The following SHOC1 variants were observed in gnomAD, a reference collection of about 807,000 sequenced individuals.
The protein encoded by SHOC1 is shortage in chiasmata 1.
SHOC1 carries 136 observed loss-of-function variants against 179.2 expected under a neutral mutation model. The ratio of observed to expected loss-of-function variants is 0.76; its 90% CI spans 0.66 to 0.87. The LOEUF is 0.87. Among genes scored for constraint, SHOC1 ranks in the 40% least tolerant of loss-of-function variants. The pLI is 0.00. For synonymous variants in SHOC1, 489 were observed against 586.6 expected, an observed-to-expected ratio of 0.83 and a Z score of 2.41; for missense variants, 1,538 against 1,700.8, an observed-to-expected ratio of 0.90 and a Z score of 1.68.
chr9:111,690,618 A>C (rs1440894895), intron 27 of SHOC1, among the ~76,000 whole-genome samples: 1 of 152,214 alleles, frequency 6.6e-6, no homozygotes, highest in Non-Finnish European at 1.5e-5. Context: ...GATTTTTCCC[A>C]ATATGTACTA....
At chr9:111,702,377 G>T in intron 22 of SHOC1, 151 bp from the exon 23 acceptor site, 1 of 575,028 alleles carries the variant, frequency 1.7e-6, no homozygotes, top group South Asian at 2.2e-5. Context: ...TTAAAATCAT[G>T]CAGGAAGTAG....
At chr9:111,700,160 C>A in intron 23 of SHOC1, 113 bp from the exon 24 acceptor site, 1 of 600,898 alleles carries the variant, frequency 1.7e-6, no homozygotes, top group South Asian at 3.4e-5. Context: ...CTAGCTAAGA[C>A]AATACTAGTG....
At chr9:111,788,401 C>A (rs889077186) in intron 2 of SHOC1, among the ~76,000 whole-genome samples, 5 of 152,120 alleles carry the variant, frequency 3.3e-5, no homozygotes, top group African/African-American at 1.2e-4. Flanking sequence ...CCCGCCTCAG[C>A]CCCCCAATTA....
intron 5 of SHOC1, among the ~76,000 whole-genome samples, chr9:111,763,967 TCTC>T (rs1466826659): frequency 3.3e-5 from 5 of 152,096 alleles, no homozygotes; most frequent in African/African-American, 1.2e-4. Context: ...AGTACAGTAA[TCTC>T]CTCTTATCTG....
At chr9:111,745,697 T>G (rs1419300613) in intron 10 of SHOC1, among the ~76,000 whole-genome samples, 2 of 152,154 alleles carry the variant, frequency 1.3e-5, no homozygotes, top group Non-Finnish European at 2.9e-5. Flanking sequence ...CCTCCAGAAC[T>G]GTGAAGGAAT....
intron 4 of SHOC1, among the ~76,000 whole-genome samples, chr9:111,778,984 G>A (rs1466469784): frequency 2.0e-5 from 3 of 151,144 alleles, no homozygotes; most frequent in Non-Finnish European, 4.4e-5. Flanking sequence ...CTGTAATTCC[G>A]GCTACTCAGG....
chr9:111,741,581 G>C lies in SHOC1; in HGVS notation c.1080-11C>G. 1 of 1,487,240 alleles carries C rather than the reference G, an allele frequency of 6.7e-7. No individual in the cohort carries two copies. The highest frequency in any genetic ancestry group is 1.4e-5 in the African/African-American group (1 of 71,728). 92.1% of individuals were successfully genotyped at this position (1,487,240 alleles called of 1,614,324 possible). ...GCAGTAAGCAAATTACTGAAAAAAA[G>C]AGTTAAAGTTTAATACATTAATAAT... On this transcript the variant is annotated splice_polypyrimidine_tract_variant and intron_variant, in intron 10 of 27. Transcript: ENST00000682961.
chr9:111,714,819 T>C (rs1469017507), intron 16 of SHOC1, among the ~76,000 whole-genome samples, 196 bp from the exon 17 acceptor site: 1 of 152,210 alleles, frequency 6.6e-6, no homozygotes, highest in East Asian at 1.9e-4. Flanking sequence ...ACATACTCTT[T>C]TTAAGCTGCA....
Position 111,692,038 on chromosome 9 carries a change from A to G in SHOC1, c.3939T>C (p.Thr1313=). ...GGGGGACAACTGACACTCTCTTCTG[A>G]GTGTCAGTTGGTGATTTTATAGTTT... ...NCETIKSPTD[T]QKRVSVVPRF... The change falls in exon 27 of 28, where the codon ACT becomes ACC. Residue 1313 remains threonine, a synonymous_variant. Coordinates refer to ENST00000682961, the MANE Select transcript of SHOC1 (RefSeq NM_001378211.1). 1 of 1,613,642 alleles carries G rather than the reference A, an allele frequency of 6.2e-7. No homozygotes were observed. Among genetic ancestry groups the G allele is most frequent in the Non-Finnish European group, 8.5e-7 (1 of 1,179,826 alleles).
At chr9:111,732,554 T>G (rs1010466367) in intron 12 of SHOC1, among the ~76,000 whole-genome samples, 1 of 152,116 alleles carries the variant, frequency 6.6e-6, no homozygotes, top group Non-Finnish European at 1.5e-5. Flanking sequence ...ATCCATACAA[T>G]GAAAAATTTT....
At chr9:111,792,454 T>C (rs970503031) in intron 1 of SHOC1, among the ~76,000 whole-genome samples, 1 of 151,964 alleles carries the variant, frequency 6.6e-6, no homozygotes, top group African/African-American at 2.4e-5. Context: ...ATACAAAAAT[T>C]AGCTGGGCGT....
chr9:111,730,741 C>T (rs1833527593), intron 12 of SHOC1, among the ~76,000 whole-genome samples: 1 of 152,142 alleles, frequency 6.6e-6, no homozygotes. Flanking sequence ...GCTTTGGCTT[C>T]AACAGTCAAC....
chr9:111,729,827 G>C (rs1350450112), intron 12 of SHOC1, among the ~76,000 whole-genome samples: 1 of 151,730 alleles, frequency 6.6e-6, no homozygotes, highest in Non-Finnish European at 1.5e-5. Context: ...GAGAGGCGGA[G>C]GGTACAGTGA....
chr9:111,791,256 T>C (rs1310859083), intron 2 of SHOC1, 118 bp downstream of exon 2: 7 of 488,728 alleles, frequency 1.4e-5, no homozygotes, highest in Admixed American at 1.3e-4. Flanking sequence ...ATCAGAAATC[T>C]GAAATACTTT....
intron 4 of SHOC1, among the ~76,000 whole-genome samples, chr9:111,780,672 A>C (rs1204929694): frequency 6.6e-6 from 1 of 152,174 alleles, no homozygotes; most frequent in Non-Finnish European, 1.5e-5. Flanking sequence ...TTTTAATATA[A>C]AGGACTTTTT....
chr9:111,723,681 T>C, intron 14 of SHOC1, 111 bp downstream of exon 14: 1 of 1,102,768 alleles, frequency 9.1e-7, no homozygotes, highest in African/African-American at 1.6e-5. Flanking sequence ...TGAAGAAATA[T>C]CTGAAACAAG....
chr9:111,762,494 C>G (rs1051432983), intron 5 of SHOC1, among the ~76,000 whole-genome samples: 1 of 151,548 alleles, frequency 6.6e-6, no homozygotes, highest in African/African-American at 2.4e-5. Context: ...ATAAAATATT[C>G]CCAAGATCAT....
intron 26 of SHOC1, among the ~76,000 whole-genome samples, chr9:111,693,225 G>C (rs868010726): frequency 6.6e-6 from 1 of 151,948 alleles, no homozygotes; most frequent in East Asian, 1.9e-4. Flanking sequence ...AGAATTGCTT[G>C]AACCCAGGAG....
intron 5 of SHOC1, among the ~76,000 whole-genome samples, chr9:111,766,599 T>G (rs946450639): frequency 6.7e-6 from 1 of 149,768 alleles, no homozygotes; most frequent in South Asian, 2.1e-4. Context: ...TTTCATTGTG[T>G]TTTTTTTTGT....
Sources: gnomAD v4.1 joint callset for allele counts (sites outside exome capture counted in the v4.1 genomes callset) on GRCh38, gnomAD v4.1.1 for gene constraint, MANE v1.5 for transcripts, NCBI Gene and HGNC (gene_info 2026-07-23, HGNC 2026-07-21) for gene names.